Variants in PSMB7 observed in about 807,000 individuals in gnomAD.
PSMB7 encodes proteasome 20S subunit beta 7, also known as proteasome subunit beta type-7.
Under a neutral mutation model 28.1 loss-of-function variants are expected in PSMB7, and 5 were observed. The observed-to-expected ratio is 0.18, with a 90% CI of 0.09 to 0.37. The LOEUF is 0.37. Among genes scored for constraint, PSMB7 ranks in the 10% least tolerant of loss-of-function variants. PSMB7 has a pLI of 1.00. For missense variants in PSMB7, 275 were observed against 346.2 expected, an observed-to-expected ratio of 0.79 and a Z score of 1.63; for synonymous variants, 122 against 123.7, an observed-to-expected ratio of 0.99 and a Z score of 0.09.
In PSMB7 at chr9:124,412,454, G is replaced by A. The variant is rs1831038470; in HGVS notation, c.293C>T (p.Thr98Ile). The A allele has an allele frequency of 6.2e-7, 1 of 1,614,158 alleles. No homozygotes were observed. The highest frequency in any genetic ancestry group is 8.5e-7 in the Non-Finnish European group (1 of 1,180,026). ...GAGTAADTDM[T>I]TQLISSNLEL... ...CAGGTTGGAAGAAATGAGCTGGGTT[G>A]TCATGTCTGTGTCTGCAGCTGTCCC... Residue 98 changes from threonine (T) to isoleucine (I), a missense_variant, in exon 4 of 8, where the codon ACA becomes ATA. Physicochemically the swap from Thr to Ile is moderately conservative, Grantham distance 89. This residue lies in a region of PSMB7 where 213 missense variants were observed against 302.4 expected (regional missense o/e 0.70). Coordinates refer to ENST00000259457, the MANE Select transcript of PSMB7 (RefSeq NM_002799.4).
intron 6 of PSMB7, among the ~76,000 whole-genome samples, chr9:124,363,121 C>T (rs1588567948): frequency 6.6e-6 from 1 of 152,166 alleles, no homozygotes; most frequent in Non-Finnish European, 1.5e-5. Flanking sequence ...AATGAAAAAA[C>T]GAAACGTTCA....
chr9:124,401,472 C>T (rs898283982), intron 5 of PSMB7, among the ~76,000 whole-genome samples: 4 of 152,276 alleles, frequency 2.6e-5, no homozygotes, highest in Admixed American at 6.5e-5. Flanking sequence ...AAGTGCTCCG[C>T]ACTAGTGATG....
chr9:124,380,512 GC>G (rs1299748647), intron 6 of PSMB7, among the ~76,000 whole-genome samples: 11 of 152,300 alleles, frequency 7.2e-5, no homozygotes, highest in African/African-American at 2.4e-4. Context: ...CTGCACTCCA[GC>G]CTGGGCAACA....
intron 6 of PSMB7, among the ~76,000 whole-genome samples, chr9:124,361,869 C>T (rs572942982): frequency 6.6e-6 from 1 of 152,298 alleles, no homozygotes; most frequent in Non-Finnish European, 1.5e-5. Flanking sequence ...AAACTTTTTC[C>T]GCATTATTCT....
In PSMB7 at chr9:124,414,875, T is replaced by C; in HGVS notation, c.123A>G (p.Lys41=). 1 of 1,614,092 alleles carries C rather than the reference T, an allele frequency of 6.2e-7. No homozygotes were observed. The highest frequency in any genetic ancestry group is 8.5e-7 in the Non-Finnish European group (1 of 1,179,988). Residue 41 remains lysine (K), a synonymous_variant, in exon 2 of 8, where the codon AAA becomes AAG. Transcript: ENST00000259457. ...KRGYKLPKVR[K]TGTTIAGVVY... Reference sequence around the variant, plus strand: ...CCACCCCAGCGATGGTCGTGCCAGTTTTCCGGACCTTTGGAAGCTTGTATC... The same window carrying C: ...CCACCCCAGCGATGGTCGTGCCAGTCTTCCGGACCTTTGGAAGCTTGTATC...
intron 6 of PSMB7, among the ~76,000 whole-genome samples, chr9:124,358,898 G>T (rs1451017646): frequency 6.6e-6 from 1 of 152,234 alleles, no homozygotes; most frequent in East Asian, 1.9e-4. Context: ...TTTCCCAAAT[G>T]ATCTGGGTAG....
At chr9:124,380,300 T>C (rs781097457) in intron 6 of PSMB7, among the ~76,000 whole-genome samples, 10 of 152,198 alleles carry the variant, frequency 6.6e-5, no homozygotes, top group East Asian at 3.9e-4. Context: ...TTGAAAAATA[T>C]AGGCTGGCCA....
Position 124,356,461 on chromosome 9 carries a change from T to C in PSMB7, c.722+303A>G, listed in dbSNP as rs1317852602. 2.0e-5 allele frequency among the ~76,000 whole-genome samples: 3 copies of C among 152,152 alleles called. No individual in the cohort carries two copies. Among genetic ancestry groups the C allele is most frequent in the Non-Finnish European group, 4.4e-5 (3 of 68,012 alleles). ...TTCTCCCAGAAATCAGGGGATTCTT[T>C]AAGACACTTGAGAAAGGACAGCAGA... is the stretch of plus-strand genomic sequence containing the variant. On this transcript the variant is annotated intron_variant, in intron 7 of 7. Coordinates refer to ENST00000259457, the MANE Select transcript of PSMB7 (RefSeq NM_002799.4). The surrounding 1 kb of genome is among the most constrained non-coding windows in gnomAD (Gnocchi z 4.4).
chr9:124,414,671 G>C (rs1461834081), intron 2 of PSMB7, among the ~76,000 whole-genome samples, 171 bp downstream of exon 2: 3 of 151,920 alleles, frequency 2.0e-5, no homozygotes, highest in Non-Finnish European at 4.4e-5. Flanking sequence ...AACATAAACT[G>C]TTAAGAAGCA....
chr9:124,389,229 C>G (rs1318753133), intron 5 of PSMB7, among the ~76,000 whole-genome samples: 1 of 152,198 alleles, frequency 6.6e-6, no homozygotes, highest in Non-Finnish European at 1.5e-5. Context: ...ATGTCCTAGT[C>G]CAGTCCAAAC....
At chr9:124,404,721 C>T (rs956888768) in intron 5 of PSMB7, among the ~76,000 whole-genome samples, 1 of 152,010 alleles carries the variant, frequency 6.6e-6, no homozygotes, top group African/African-American at 2.4e-5. Context: ...GGCATGGTGG[C>T]GTGTGCCTAT....
At chr9:124,371,063 C>A (rs990722363) in intron 6 of PSMB7, among the ~76,000 whole-genome samples, 1 of 152,182 alleles carries the variant, frequency 6.6e-6, no homozygotes, top group South Asian at 2.1e-4. Context: ...ATATTTCATA[C>A]CGCTGTGAAA....
At chr9:124,377,961 T>C (rs1830630230) in intron 6 of PSMB7, among the ~76,000 whole-genome samples, 1 of 152,240 alleles carries the variant, frequency 6.6e-6, no homozygotes, top group Admixed American at 6.5e-5. Flanking sequence ...CAGGCAGTGG[T>C]AGAAGCTTCA....
intron 6 of PSMB7, among the ~76,000 whole-genome samples, chr9:124,364,662 G>A (rs549177196): frequency 2.0e-5 from 3 of 152,000 alleles, no homozygotes; most frequent in East Asian, 1.9e-4. Context: ...AAAACAACGC[G>A]GCCCGTGATA....
intron 6 of PSMB7, among the ~76,000 whole-genome samples, chr9:124,378,806 T>C (rs1384430861): frequency 6.6e-6 from 1 of 152,232 alleles, no homozygotes; most frequent in Non-Finnish European, 1.5e-5. Flanking sequence ...TTTAGCAATT[T>C]TCAAGATACA....
chr9:124,415,103 A>G, intron 1 of PSMB7, 168 bp from the exon 2 acceptor site: 2 of 631,854 alleles, frequency 3.2e-6, no homozygotes, highest in Admixed American at 2.9e-5. Flanking sequence ...TCCAACGAAG[A>G]CAGTCTTACA....
At chr9:124,414,284 G>A (rs925894907) in intron 2 of PSMB7, among the ~76,000 whole-genome samples, 2 of 152,118 alleles carry the variant, frequency 1.3e-5, no homozygotes, top group Non-Finnish European at 2.9e-5. Context: ...GAGCTAATCT[G>A]GAAAAAACCT....
At chr9:124,367,114 A>G (rs1026266485) in intron 6 of PSMB7, among the ~76,000 whole-genome samples, 2 of 152,214 alleles carry the variant, frequency 1.3e-5, no homozygotes, top group Admixed American at 1.3e-4. Flanking sequence ...AATATTCTCA[A>G]TGAGAGATGG....
Position 124,415,349 on chromosome 9 carries a change from C to T in PSMB7, c.62+15G>A. The stretch of plus-strand genomic sequence containing the variant: ...TCTTCTCCCTCCCTGAACCAAGCCC[C>T]AAGCAAGGCGGCACCTGCGGCAGTT... On this transcript the variant is annotated intron_variant, in intron 1 of 7. Coordinates refer to ENST00000259457, the MANE Select transcript of PSMB7 (RefSeq NM_002799.4). 6.2e-7 allele frequency: 1 copy of T among 1,613,628 alleles called. No individual in the cohort carries two copies. Among genetic ancestry groups the T allele is most frequent in the Non-Finnish European group, 8.5e-7 (1 of 1,179,808 alleles).
Sources: allele counts gnomAD v4.1 joint callset (sites outside exome capture counted in the v4.1 genomes callset), GRCh38; gene constraint gnomAD v4.1.1; regional missense constraint gnomAD v4.1.1; non-coding constraint Gnocchi (gnomAD v3.1); transcripts MANE v1.5; gene names NCBI Gene and HGNC (gene_info 2026-07-23, HGNC 2026-07-21).